Variants in PRH1 observed in about 807,000 individuals in gnomAD.
PRH1 encodes the protein salivary acidic proline-rich phosphoprotein 1/2.
In PRH1, 7 loss-of-function variants were observed where a neutral mutation model predicts 7.9. The observed-to-expected ratio is 0.89, with a 90% CI of 0.50 to 1.67. The LOEUF (loss-of-function observed/expected upper bound fraction) is 1.67. PRH1 is among the 40% of genes most tolerant of loss of function. PRH1 has a pLI of 0.00. For missense variants in PRH1, 109 were observed against 223.6 expected, an observed-to-expected ratio of 0.49 and a Z score of 3.27; for synonymous variants, 45 against 80.8, an observed-to-expected ratio of 0.56 and a Z score of 2.38.
At chr12:11,096,885 T>TC (rs1945082245) in intron 1 of PRH1, among the ~76,000 whole-genome samples, 1 of 113,734 alleles carries the variant, frequency 8.8e-6, no homozygotes, top group Non-Finnish European at 2.1e-5. Context: ...GCAAGCTCTG[T>TC]CCCCGGGGTT....
chr12:10,909,880 A>G (rs899584777), intron 2 of PRH1, among the ~76,000 whole-genome samples: 1 of 152,218 alleles, frequency 6.6e-6, no homozygotes, highest in African/African-American at 2.4e-5. Context: ...GTGACTAAAG[A>G]GAAACTCGTT....
intron 1 of PRH1, among the ~76,000 whole-genome samples, chr12:11,140,117 T>A (rs1946662797): frequency 6.6e-6 from 1 of 151,998 alleles, no homozygotes; most frequent in South Asian, 2.1e-4. Flanking sequence ...AACCTTTTTT[T>A]CTTCAAGTTT....
At chr12:10,938,022 C>G (rs1222069140) in intron 2 of PRH1, 3 of 388,578 alleles carry the variant, frequency 7.7e-6, no homozygotes, top group Non-Finnish European at 1.4e-5. Context: ...ATGATTGATA[C>G]AAAATCTATA....
At chr12:11,006,475 A>T (rs1458223927) in intron 1 of PRH1, among the ~76,000 whole-genome samples, 1 of 150,872 alleles carries the variant, frequency 6.6e-6, no homozygotes, top group Non-Finnish European at 1.5e-5. Context: ...CCTGGACACA[A>T]GTGATACTCT....
At chr12:10,932,820 G>A (rs900417897) in intron 2 of PRH1, among the ~76,000 whole-genome samples, 5 of 151,930 alleles carry the variant, frequency 3.3e-5, no homozygotes, top group African/African-American at 1.2e-4. Flanking sequence ...GGGCAATTGC[G>A]TGTGAAAATT....
At chr12:10,898,810 A>T (rs879677293) in intron 2 of PRH1, among the ~76,000 whole-genome samples, 1 of 152,218 alleles carries the variant, frequency 6.6e-6, no homozygotes, top group Non-Finnish European at 1.5e-5. Context: ...TGGGTAAAGT[A>T]CATTCCAGAC....
chr12:11,084,009 T>C (rs1409677859), intron 1 of PRH1, among the ~76,000 whole-genome samples: 1 of 121,352 alleles, frequency 8.2e-6, no homozygotes, highest in African/African-American at 2.8e-5. Context: ...CAATCCTACC[T>C]CACACCCCTC....
chr12:10,882,135 T>A, intron 3 of PRH1, 82 bp downstream of exon 3: 3 of 1,582,382 alleles, frequency 1.9e-6, no homozygotes, highest in Non-Finnish European at 2.6e-6. Flanking sequence ...TATTAACAGG[T>A]TTTCAGAGGA....
At chr12:10,903,246 TA>T (rs1949748604) in intron 2 of PRH1, among the ~76,000 whole-genome samples, 1 of 151,520 alleles carries the variant, frequency 6.6e-6, no homozygotes, top group Non-Finnish European at 1.5e-5. Flanking sequence ...CCAACAACAG[TA>T]AAAAAATGAC....
chr12:10,887,373 A>G (rs1949507552), upstream of PRH1, among the ~76,000 whole-genome samples: 1 of 152,186 alleles, frequency 6.6e-6, no homozygotes, highest in South Asian at 2.1e-4. Context: ...AATAAACACA[A>G]TAGTCTCTGA....
intron 1 of PRH1, among the ~76,000 whole-genome samples, chr12:11,145,722 G>A (rs926730554): frequency 4.0e-5 from 6 of 151,558 alleles, no homozygotes; most frequent in Non-Finnish European, 8.8e-5. Flanking sequence ...GGTTAAAGTC[G>A]CTTAAGCCAG....
chr12:10,995,291 C>T (rs1940163581), intron 1 of PRH1, among the ~76,000 whole-genome samples: 1 of 152,062 alleles, frequency 6.6e-6, no homozygotes, highest in Admixed American at 6.6e-5. Context: ...TATATGATCT[C>T]TACTTTTATG....
intron 2 of PRH1, among the ~76,000 whole-genome samples, chr12:10,946,249 G>T (rs1950485248): frequency 6.6e-6 from 1 of 152,188 alleles, no homozygotes; most frequent in Admixed American, 6.5e-5. Context: ...ACAGGCATAA[G>T]AAATTATAAA....
At chr12:10,948,426 T>A (rs1950520107) in intron 2 of PRH1, among the ~76,000 whole-genome samples, 1 of 152,230 alleles carries the variant, frequency 6.6e-6, no homozygotes. Context: ...CTGCTGATAA[T>A]CCTTGTGATT....
chr12:11,137,247 G>A (rs1029796398), intron 1 of PRH1, among the ~76,000 whole-genome samples: 2 of 152,186 alleles, frequency 1.3e-5, no homozygotes, highest in East Asian at 1.9e-4. Flanking sequence ...AGAAATCAAG[G>A]CTTCTTCATT....
chr12:11,089,872 T>C (rs187878013), intron 1 of PRH1, among the ~76,000 whole-genome samples: 1 of 110,170 alleles, frequency 9.1e-6, no homozygotes, highest in Admixed American at 9.1e-5. Flanking sequence ...ATCAAGACTA[T>C]ATTATTGTGA....
chr12:11,124,814 G>C (rs1266668603), intron 1 of PRH1, among the ~76,000 whole-genome samples: 1 of 152,060 alleles, frequency 6.6e-6, no homozygotes, highest in Non-Finnish European at 1.5e-5. Context: ...AAGGGTAGTG[G>C]GAGAACACTA....
At chr12:11,029,743 C>T (rs1486650593) in intron 1 of PRH1, among the ~76,000 whole-genome samples, 1 of 151,484 alleles carries the variant, frequency 6.6e-6, no homozygotes, top group Non-Finnish European at 1.5e-5. Context: ...TAATATTCCT[C>T]AGTACCGCTT....
At chr12:11,120,054 ATTT>A (rs1676127858), downstream of PRH1, among the ~76,000 whole-genome samples, 1 of 152,204 alleles carries the variant, frequency 6.6e-6, no homozygotes, top group African/African-American at 2.4e-5. Context: ...CAAAATACTT[ATTT>A]TTAATAGTCC....
Sources: allele counts gnomAD v4.1 joint callset (sites outside exome capture counted in the v4.1 genomes callset), GRCh38; gene constraint gnomAD v4.1.1; transcripts MANE v1.5; gene names NCBI Gene and HGNC (gene_info 2026-07-23, HGNC 2026-07-21).